MGAM: variants seen among roughly 807,000 people sequenced by gnomAD.
MGAM encodes the protein alpha-1,4-glucosidase.
MGAM carries 253 observed loss-of-function variants against 358.8 expected under a neutral mutation model. That is an observed-to-expected ratio of 0.71 (90% confidence interval 0.64 to 0.78). The LOEUF (loss-of-function observed/expected upper bound fraction) is 0.78. Ranked by LOEUF, MGAM falls within the 30% of genes least tolerant of loss-of-function variation. The pLI, the probability that MGAM is intolerant of heterozygous loss-of-function variation, is 0.00. For missense variants in MGAM, 3,080 were observed against 3,432.6 expected, an observed-to-expected ratio of 0.90 and a Z score of 2.57; for synonymous variants, 1,105 against 1,227.1, an observed-to-expected ratio of 0.90 and a Z score of 2.08.
Position 142,094,869 on chromosome 7 carries a change from A to G in MGAM, c.7458+6A>G. On this transcript the variant is annotated splice_donor_region_variant and intron_variant, in intron 63 of 70. Transcript: ENST00000475668. ...ACAACACCATTGGGACCAGGGTAGG[A>G]CAGTGGCCCCTACCTCCAGTGTTTC... 6.2e-7 allele frequency: 1 copy of G among 1,613,270 alleles called. No individual in the cohort carries two copies. The highest frequency in any genetic ancestry group is 1.3e-5 in the African/African-American group (1 of 75,000).
At chr7:142,025,619 A>C (rs2128999366) in intron 8 of MGAM, among the ~76,000 whole-genome samples, 1 of 152,320 alleles carries the variant, frequency 6.6e-6, no homozygotes, top group Non-Finnish European at 1.5e-5. Context: ...AGTGCTCCTC[A>C]AAGTGTGGTC....
At chr7:142,034,519 A>G (rs2129006462) in intron 15 of MGAM, 140 bp downstream of exon 15, 1 of 964,586 alleles carries the variant, frequency 1.0e-6, no homozygotes, top group South Asian at 1.7e-5. Context: ...AATGATACAG[A>G]ATGCTCCCAA....
At chr7:142,059,051 T>C (rs1249937381) in intron 31 of MGAM, among the ~76,000 whole-genome samples, 3 of 152,232 alleles carry the variant, frequency 2.0e-5, no homozygotes, top group Non-Finnish European at 4.4e-5. Context: ...CTATACATCT[T>C]TGCTTTGTTT....
In MGAM at chr7:142,060,109, T is replaced by A; in HGVS notation, c.4059+143T>A. On this transcript the variant is annotated intron_variant, in intron 33 of 70. Transcript: ENST00000475668. Reference sequence around the variant, plus strand: ...TCTGAGGTCAGAAGCTCTCCTTTTCTCAATCAATATTTGTTGATACAATTA... The same window carrying A: ...TCTGAGGTCAGAAGCTCTCCTTTTCACAATCAATATTTGTTGATACAATTA... 3.1e-6 allele frequency: 4 copies of A among 1,272,614 alleles called. No homozygotes were observed. The South Asian group carries it at 4.4e-5, about 14-fold the overall frequency. The allele number at this position is 1,272,614 out of a possible 1,614,324, so 78.8% of individuals were successfully genotyped here.
At chr7:142,018,212 T>C (rs1554456921) in intron 3 of MGAM, among the ~76,000 whole-genome samples, 2 of 152,144 alleles carry the variant, frequency 1.3e-5, no homozygotes, top group Non-Finnish European at 2.9e-5. Context: ...GGATGATCGT[T>C]TTCAAGCTCA....
rs1477940566 is a variant in MGAM at position 142,065,958 on chromosome 7, G to GTTTTTTTT, written c.4770+131_4770+132insTTTTTTTT. 1.2e-5 allele frequency: 9 copies of GTTTTTTTT among 743,308 alleles called. No homozygotes were observed. In the African/African-American group the frequency reaches 1.9e-4, roughly 16 times the overall value. The allele number at this position is 743,308 out of a possible 1,614,324, so 46.0% of individuals were successfully genotyped here. ...AAAAAAAGGTGTTTTTTTTTGTTTT[G>GTTTTTTTT]TTTTGTTTTGTTTTTTTTTTTGAAA... On this transcript the variant is annotated intron_variant, in intron 40 of 70. Coordinates refer to ENST00000475668, the MANE Select transcript of MGAM (RefSeq NM_001365693.1).
At chr7:141,986,742 A>G (rs1803720199) in intron 2 of MGAM, among the ~76,000 whole-genome samples, 1 of 152,216 alleles carries the variant, frequency 6.6e-6, no homozygotes. Flanking sequence ...AATTCAAAAT[A>G]TTGATTGAAA....
rs374327346 is a variant in MGAM at position 142,049,555 on chromosome 7, A to G, written c.2588-680A>G. On this transcript the variant is annotated intron_variant, in intron 22 of 70. Transcript: ENST00000475668. ...AAAATGTTTGCAAACCATGTATCTC[A>G]GAAGAGATTAATATAAAAAAATAAG... Among the ~76,000 whole-genome samples the G allele has an allele frequency of 3.0e-4, 46 of 152,310 alleles. No individual in the cohort carries two copies. The East Asian group carries it at 7.1e-3, about 24-fold the overall frequency.
rs201144916 is a variant in MGAM, at chr7:142,005,613, T to C, written c.83T>C (p.Ile28Thr). The C allele has an allele frequency of 3.1e-3, 4,985 of 1,595,934 alleles. 23 individuals carry two copies. Among genetic ancestry groups the C allele is most frequent in the Non-Finnish European group, 3.6e-3 (4,171 of 1,170,700 alleles). The change falls in exon 2 of 71, where the codon ATT (isoleucine) becomes ACT (threonine). Residue 28 changes from isoleucine (I) to threonine (T), a missense_variant. This residue lies in a region of MGAM where 1,816 missense variants were observed against 1,840.5 expected (regional missense o/e 0.99). Transcript: ENST00000475668. ...CTGCTTGTGTTGTTTATCATCAGTA[T>C]TGTTCTAATTGTGCTTTTAGCCAAA... ...VLLLVLFIIS[I>T]VLIVLLAKES...
At chr7:142,082,935 C>T (rs1585077788) in intron 52 of MGAM, among the ~76,000 whole-genome samples, 1 of 145,930 alleles carries the variant, frequency 6.9e-6, no homozygotes, top group East Asian at 2.0e-4. Context: ...TGAAAAGTTA[C>T]CTATCGGGTA....
At position 142,105,946 on chromosome 7, in the gene MGAM, T is replaced by G. The variant is rs933793132; in HGVS notation, c.*55T>G. On this transcript the variant is annotated 3_prime_UTR_variant, in exon 71 of 71. Transcript: ENST00000475668. ...GAATGACTTTGAAACTACTTATACT[T>G]CATACTCATAAAAATTATTGTGTGT... 6.2e-6 allele frequency: 8 copies of G among 1,287,692 alleles called. No individual in the cohort carries two copies. Among genetic ancestry groups the G allele is most frequent in the Non-Finnish European group, 9.0e-6 (8 of 888,602 alleles). 79.8% of individuals were successfully genotyped at this position (1,287,692 alleles called of 1,614,324 possible).
At chr7:142,003,737 A>G (rs1475409831) in intron 1 of MGAM, among the ~76,000 whole-genome samples, 6 of 152,076 alleles carry the variant, frequency 3.9e-5, no homozygotes, top group Non-Finnish European at 8.8e-5. Flanking sequence ...GCACAGTAAA[A>G]AAATAAAATA....
In MGAM at chr7:142,044,402, G is replaced by GAATATTATATACACATGCGAT. The variant is rs1563154220; in HGVS notation, c.2499-3382_2499-3381insATATTATATACACATGCGATA. Among the ~76,000 whole-genome samples the GAATATTATATACACATGCGAT allele has an allele frequency of 1.2e-3, 55 of 44,384 alleles. 5 individuals carry two copies. Among genetic ancestry groups the GAATATTATATACACATGCGAT allele is most frequent in the Non-Finnish European group, 3.4e-3 (43 of 12,720 alleles). 29.1% of individuals were successfully genotyped at this position (44,384 alleles called of 152,430 possible). ...AATATTATATACACATACGATATAT[G>GAATATTATATACACATGCGAT]ATATATAATGAATATTATATACACA... On this transcript the variant is annotated intron_variant, in intron 21 of 70. Coordinates refer to ENST00000475668, the MANE Select transcript of MGAM (RefSeq NM_001365693.1).
At chr7:142,019,543 C>A (rs1806250550) in intron 4 of MGAM, among the ~76,000 whole-genome samples, 1 of 152,174 alleles carries the variant, frequency 6.6e-6, no homozygotes, top group African/African-American at 2.4e-5. Context: ...CCAACTTCCC[C>A]ATTTATGGAC....
upstream of MGAM, among the ~76,000 whole-genome samples, chr7:141,992,015 TGA>T (rs2128970552): frequency 6.6e-6 from 1 of 152,318 alleles, no homozygotes; most frequent in South Asian, 2.1e-4. Flanking sequence ...TAAACATGAA[TGA>T]CTGCCTGCTA....
chr7:142,034,960 T>A, intron 16 of MGAM, 119 bp downstream of exon 16: 1 of 933,900 alleles, frequency 1.1e-6, no homozygotes, highest in Non-Finnish European at 1.6e-6. Context: ...TTTAATATCT[T>A]GAGAGCATGT....
intron 42 of MGAM, among the ~76,000 whole-genome samples, chr7:142,067,986 A>ATAT (rs1236775159): frequency 5.7e-4 from 5 of 8,696 alleles, no homozygotes; most frequent in African/African-American, 8.9e-4. Flanking sequence ...ATATATATAT[A>ATAT]TTTTTTTTTT....
At position 142,078,480 on chromosome 7, in the gene MGAM, C is replaced by T; in HGVS notation, c.5646+10C>T. 2.6e-6 allele frequency: 4 copies of T among 1,537,026 alleles called. No homozygotes were observed. The highest frequency in any genetic ancestry group is 2.7e-6 in the Non-Finnish European group (3 of 1,122,326). On this transcript the variant is annotated intron_variant, in intron 48 of 70. Transcript: ENST00000475668. Reference sequence around the variant, plus strand: ...TGGCTGTATCTGGGAGGTAACCATGCTGATGGGGTTCATGTGCATGAAAAT... The same window carrying T: ...TGGCTGTATCTGGGAGGTAACCATGTTGATGGGGTTCATGTGCATGAAAAT...
At chr7:142,065,532 G>T in intron 38 of MGAM, 56 bp from the exon 39 acceptor site, 1 of 1,614,018 alleles carries the variant, frequency 6.2e-7, no homozygotes, top group Non-Finnish European at 8.5e-7. Context: ...TTAGGGAAGA[G>T]GTGAGGAGGC....
Sources: gnomAD v4.1 joint callset for allele counts (sites outside exome capture counted in the v4.1 genomes callset) on GRCh38, gnomAD v4.1.1 for gene constraint, gnomAD v4.1.1 regional missense constraint, MANE v1.5 for transcripts, NCBI Gene and HGNC (gene_info 2026-07-23, HGNC 2026-07-21) for gene names.